The following KIAA1549L variants were observed in gnomAD, a reference collection of about 807,000 sequenced individuals.
KIAA1549L encodes the protein KIAA1549 like.
KIAA1549L carries 88 observed loss-of-function variants against 160.7 expected under a neutral mutation model. That is an observed-to-expected ratio of 0.55 (90% CI 0.46 to 0.65). The LOEUF is 0.65. Ranked by LOEUF, KIAA1549L falls within the 30% of genes least tolerant of loss-of-function variation. The probability of loss-of-function intolerance (pLI) is 0.00; values close to 1 mark genes in which losing one functional copy is unlikely to be tolerated. For synonymous variants in KIAA1549L, 950 were observed against 976.7 expected (o/e 0.97, Z 0.51); for missense variants, 2,258 against 2,437.5 (o/e 0.93, Z 1.55).
chr11:33,570,742 A>T (rs1474857537), intron 9 of KIAA1549L, among the ~76,000 whole-genome samples: 1 of 152,222 alleles, frequency 6.6e-6, no homozygotes, highest in Non-Finnish European at 1.5e-5. Context: ...ATATTTGAAA[A>T]ATTGAGGCCT....
intron 1 of KIAA1549L, among the ~76,000 whole-genome samples, chr11:33,396,770 G>A (rs904617413): frequency 6.6e-6 from 1 of 152,012 alleles, no homozygotes; most frequent in African/African-American, 2.4e-5. Flanking sequence ...TGGCCAACAT[G>A]ATGAAACTGT....
chr11:33,412,633 T>G (rs1226419720), intron 1 of KIAA1549L, among the ~76,000 whole-genome samples: 1 of 152,248 alleles, frequency 6.6e-6, no homozygotes, highest in Non-Finnish European at 1.5e-5. Context: ...GCTGGTCATT[T>G]GCTCTATGAC....
chr11:33,457,487 T>A (rs1329122261), intron 1 of KIAA1549L, among the ~76,000 whole-genome samples: 3 of 152,194 alleles, frequency 2.0e-5, no homozygotes, highest in Non-Finnish European at 4.4e-5. Context: ...GACAGGCTTC[T>A]CAGCTGCGAA....
intron 9 of KIAA1549L, among the ~76,000 whole-genome samples, chr11:33,568,476 G>A (rs1453536011): frequency 3.9e-5 from 6 of 152,056 alleles, no homozygotes; most frequent in Non-Finnish European, 8.8e-5. Context: ...AGGAAGTCTC[G>A]GTACAAAATC....
intron 13 of KIAA1549L, 84 bp from the exon 14 acceptor site, chr11:33,606,557 T>G (rs2076626): frequency 0.22 from 309,367 of 1,375,880 alleles, 37,002 homozygotes; most frequent in East Asian, 0.35. Context: ...GTAATGTCCT[T>G]AGGCTGTGAG....
chr11:33,642,482 C>G (rs1851612986), intron 16 of KIAA1549L, among the ~76,000 whole-genome samples: 1 of 152,066 alleles, frequency 6.6e-6, no homozygotes, highest in Non-Finnish European at 1.5e-5. Flanking sequence ...GGTTCTCACC[C>G]CTGACGCATG....
intron 20 of KIAA1549L, among the ~76,000 whole-genome samples, chr11:33,663,445 T>C (rs1389902400): frequency 6.6e-6 from 1 of 152,158 alleles, no homozygotes; most frequent in Non-Finnish European, 1.5e-5. Flanking sequence ...AGGAAGAGTT[T>C]CTCATGTCAT....
chr11:33,530,425 AAAAAAAAAAAAATATATAT>A (rs1215495295), intron 1 of KIAA1549L, among the ~76,000 whole-genome samples: 51 of 39,542 alleles, frequency 1.3e-3, no homozygotes, highest in African/African-American at 3.5e-3. Flanking sequence ...AAAAAAAAAA[AAAAAAAAAAAAATATATAT>A]ATATATATAT....
intron 1 of KIAA1549L, among the ~76,000 whole-genome samples, chr11:33,390,128 A>G (rs934657167): frequency 5.9e-5 from 9 of 152,248 alleles, no homozygotes; most frequent in Admixed American, 3.9e-4. Flanking sequence ...CCCATGTTTC[A>G]GAAGAGAGAA....
At chr11:33,392,903 A>G (rs1225885495) in intron 1 of KIAA1549L, among the ~76,000 whole-genome samples, 1 of 151,822 alleles carries the variant, frequency 6.6e-6, no homozygotes, top group African/African-American at 2.4e-5. Flanking sequence ...AATTCTGACA[A>G]TTTTCTGTCT....
intron 10 of KIAA1549L, among the ~76,000 whole-genome samples, chr11:33,582,283 C>A (rs758974393): frequency 6.6e-6 from 1 of 152,100 alleles, no homozygotes; most frequent in Non-Finnish European, 1.5e-5. Context: ...TAATGAGGAA[C>A]CACTTGATGT....
Position 33,541,900 on chromosome 11 carries a change from A to G in KIAA1549L, c.337A>G (p.Arg113Gly), listed in dbSNP as rs935809786. ...ISPTWPFTEVRSSSAADRIKT... is the reference protein window; with the variant it reads ...ISPTWPFTEVGSSSAADRIKT... Reference sequence around the variant, plus strand: ...ACCAACATGGCCTTTCACAGAAGTCAGGTCTTCCTCAGCAGCAGACAGAAT... The same window carrying G: ...ACCAACATGGCCTTTCACAGAAGTCGGGTCTTCCTCAGCAGCAGACAGAAT... The change falls in exon 2 of 21, where the codon AGG becomes GGG. Residue 113 changes from arginine (R) to glycine (G), a missense_variant. By Grantham distance (125) the Arg-to-Gly change is moderately radical. This residue lies in a region of KIAA1549L where 540 missense variants were observed against 465.7 expected (regional missense o/e 1.16). Coordinates refer to ENST00000658780, the MANE Select transcript of KIAA1549L (RefSeq NM_012194.3). 5 of 267,836 alleles carry G rather than the reference A, an allele frequency of 1.9e-5. No homozygotes were observed. In the East Asian group the frequency reaches 4.5e-4, roughly 24 times the overall value. The allele number at this position is 267,836 out of a possible 1,614,324, so 16.6% of individuals were successfully genotyped here.
chr11:33,656,256 G>A (rs1340845605), intron 18 of KIAA1549L, 147 bp downstream of exon 18: 5 of 638,970 alleles, frequency 7.8e-6, no homozygotes, highest in Non-Finnish European at 1.4e-5. Flanking sequence ...ATGCGCCTGT[G>A]GCATCCCAAG....
Position 33,668,825 on chromosome 11 carries a change from G to A in KIAA1549L, c.*671G>A, listed in dbSNP as rs1428334248. The A allele has an allele frequency of 6.6e-6, 1 of 152,192 alleles. No homozygotes were observed. Among genetic ancestry groups the A allele is most frequent in the Non-Finnish European group, 1.5e-5 (1 of 68,044 alleles). 9.4% of individuals were successfully genotyped at this position (152,192 alleles called of 1,614,324 possible). ...AGAGAGAAGATGAGAGGGAATGGTG[G>A]ATTTGCGTTGACAGATTTTTTAAAA... On this transcript the variant is annotated 3_prime_UTR_variant, in exon 21 of 21. Transcript: ENST00000658780.
chr11:33,428,049 G>A (rs371738629), intron 1 of KIAA1549L, among the ~76,000 whole-genome samples: 2 of 152,274 alleles, frequency 1.3e-5, no homozygotes, highest in South Asian at 4.1e-4. Flanking sequence ...CCACCTTTTG[G>A]TTATGGTGAC....
Position 33,438,507 on chromosome 11 carries a change from G to C in KIAA1549L, c.238+61618G>C, listed in dbSNP as rs116885724. ...TGCCCGTGGTGACAGGTGGAGGGTT[G>C]CTGCTTTCAGCAGGGGCCCTGAATA... On this transcript the variant is annotated intron_variant, in intron 1 of 20. Transcript: ENST00000658780. Among the ~76,000 whole-genome samples, 129 of 150,542 alleles carry C rather than the reference G, an allele frequency of 8.6e-4. 2 individuals are homozygous for C. The East Asian group carries it at 0.017, about 20-fold the overall frequency.
intron 11 of KIAA1549L, among the ~76,000 whole-genome samples, chr11:33,586,795 C>T (rs572970218): frequency 6.6e-6 from 1 of 152,124 alleles, no homozygotes; most frequent in Non-Finnish European, 1.5e-5. Flanking sequence ...GCTGCTTAAC[C>T]TCTCTAAACC....
intron 11 of KIAA1549L, 140 bp from the exon 12 acceptor site, chr11:33,591,097 T>C (rs1850038717): frequency 7.5e-6 from 5 of 665,914 alleles, no homozygotes; most frequent in Admixed American, 2.7e-5. Context: ...GAAATAATGA[T>C]GGGGATTTGA....
intron 1 of KIAA1549L, among the ~76,000 whole-genome samples, chr11:33,401,226 G>A (rs1269007740): frequency 6.8e-6 from 1 of 146,722 alleles, no homozygotes; most frequent in Non-Finnish European, 1.5e-5. Context: ...CATATGATAT[G>A]TATTATATAT....
Sources: gnomAD v4.1 joint callset for allele counts (sites outside exome capture counted in the v4.1 genomes callset) on GRCh38, gnomAD v4.1.1 for gene constraint, gnomAD v4.1.1 regional missense constraint, MANE v1.5 for transcripts, NCBI Gene and HGNC (gene_info 2026-07-23, HGNC 2026-07-21) for gene names.